PLPPR1: variants seen among roughly 807,000 people sequenced by gnomAD.
PLPPR1 encodes the protein phospholipid phosphatase-related protein type 1.
PLPPR1 carries 10 observed loss-of-function variants against 33.1 expected under a neutral mutation model. That is an observed-to-expected ratio of 0.30 (90% CI 0.19 to 0.51). The LOEUF is 0.51. PLPPR1 is among the 20% of genes least tolerant of loss of function. The pLI, the probability that PLPPR1 is intolerant of heterozygous loss-of-function variation, is 0.97. For missense variants in PLPPR1, 304 were observed against 408.1 expected (o/e 0.74, Z 2.20); for synonymous variants, 151 against 151.0 (o/e 1.00, Z 0.00).
At chr9:101,265,319 T>A (rs1389340590) in intron 2 of PLPPR1, among the ~76,000 whole-genome samples, 1 of 152,202 alleles carries the variant, frequency 6.6e-6, no homozygotes, top group African/African-American at 2.4e-5. Flanking sequence ...AAGTCCCTGG[T>A]ACATGAGCTC....
intron 1 of PLPPR1, among the ~76,000 whole-genome samples, chr9:101,167,185 T>TGTGTGTGTGTGTG (rs1491118695): frequency 1.3e-3 from 89 of 68,102 alleles, no homozygotes; most frequent in Non-Finnish European, 2.0e-3. Context: ...TGTGTGTGTC[T>TGTGTGTGTGTGTG]TTCTCTCTCT....
At chr9:101,171,122 G>T (rs911514044) in intron 1 of PLPPR1, among the ~76,000 whole-genome samples, 1 of 152,066 alleles carries the variant, frequency 6.6e-6, no homozygotes, top group Non-Finnish European at 1.5e-5. Context: ...AGACATATAA[G>T]TTCAAAGGAT....
chr9:101,312,076 A>C (rs1048094913), intron 5 of PLPPR1, among the ~76,000 whole-genome samples: 1 of 152,176 alleles, frequency 6.6e-6, no homozygotes, highest in Non-Finnish European at 1.5e-5. Flanking sequence ...TCTTTTACTT[A>C]GCTCAGGTCT....
intron 1 of PLPPR1, among the ~76,000 whole-genome samples, chr9:101,083,667 G>A (rs927668311): frequency 6.6e-6 from 1 of 152,118 alleles, no homozygotes; most frequent in East Asian, 1.9e-4. Context: ...AGGAGTGATC[G>A]CTTACCATGC....
rs56998660 is a variant in PLPPR1 at position 101,062,149 on chromosome 9, G to GGTGTGTGTGT, written c.-46+33078_-46+33087dup. ...GCATTCACAGTTAATGACAAAATGTGGTGTGTGTGTGTGTGTGTGTGTGTG... is the reference window on the plus strand; with the variant it reads ...GCATTCACAGTTAATGACAAAATGTGGTGTGTGTGTGTGTGTGTGTGTGTGTGTGTGTGTG... On this transcript the variant is annotated intron_variant, in intron 1 of 7. Transcript: ENST00000374874. Among the ~76,000 whole-genome samples the GGTGTGTGTGT allele has an allele frequency of 2.1e-3, 319 of 148,540 alleles. 1 individual carries two copies. Among genetic ancestry groups the GGTGTGTGTGT allele is most frequent in the African/African-American group, 7.2e-3 (291 of 40,372 alleles).
chr9:101,323,180 CAG>C (rs1375655927), intron 7 of PLPPR1, among the ~76,000 whole-genome samples: 5 of 151,964 alleles, frequency 3.3e-5, no homozygotes, highest in African/African-American at 1.2e-4. Context: ...AAGCATAAGA[CAG>C]AATTATATAG....
At chr9:101,102,239 C>T (rs1261540834) in intron 1 of PLPPR1, among the ~76,000 whole-genome samples, 2 of 123,992 alleles carry the variant, frequency 1.6e-5, no homozygotes, top group Admixed American at 1.6e-4. Flanking sequence ...TGGTGCGCTG[C>T]ACCCACTAAC....
At chr9:101,237,735 CTATA>C (rs200269534) in intron 2 of PLPPR1, among the ~76,000 whole-genome samples, 1 of 109,286 alleles carries the variant, frequency 9.2e-6, no homozygotes, top group African/African-American at 3.5e-5. Flanking sequence ...TGTATATAGC[CTATA>C]TATATATATA....
intron 6 of PLPPR1, among the ~76,000 whole-genome samples, chr9:101,317,022 G>T (rs747039736): frequency 3.3e-5 from 5 of 152,026 alleles, no homozygotes; most frequent in Non-Finnish European, 7.4e-5. Context: ...AAATCCTCAG[G>T]GTCGTGCCAG....
chr9:101,216,815 C>G (rs1826806147), intron 2 of PLPPR1, among the ~76,000 whole-genome samples: 1 of 152,148 alleles, frequency 6.6e-6, no homozygotes, highest in African/African-American at 2.4e-5. Context: ...CATCAAATGC[C>G]TGTAGCACCT....
chr9:101,086,557 C>T (rs10989392), intron 1 of PLPPR1, among the ~76,000 whole-genome samples: 8,085 of 152,228 alleles, frequency 0.053, 381 homozygotes, highest in African/African-American at 0.12. Context: ...CAGTAATCTT[C>T]CCCTGAAGGG....
At chr9:101,246,950 G>A (rs1450139209) in intron 2 of PLPPR1, among the ~76,000 whole-genome samples, 1 of 151,884 alleles carries the variant, frequency 6.6e-6, no homozygotes, top group Non-Finnish European at 1.5e-5. Flanking sequence ...CCTGGCAGAG[G>A]TGCAAGAGCA....
Position 101,188,991 on chromosome 9 carries a change from C to T in PLPPR1, c.63+3434C>T, listed in dbSNP as rs1354021961. Among the ~76,000 whole-genome samples the T allele has an allele frequency of 9.9e-5, 15 of 151,964 alleles. No individual in the cohort carries two copies. The East Asian group carries it at 2.7e-3, about 27-fold the overall frequency. ...CTGTAATTTGCTCATGAAGTTTATC[C>T]TTTAGCAATCCTTTCAGCAAGAGTC... On this transcript the variant is annotated intron_variant, in intron 2 of 7. Transcript: ENST00000374874.
intron 2 of PLPPR1, among the ~76,000 whole-genome samples, chr9:101,210,892 C>T (rs1251230208): frequency 3.3e-5 from 5 of 152,118 alleles, no homozygotes; most frequent in Non-Finnish European, 7.4e-5. Context: ...CTCAGCATCC[C>T]GAGTAGCTGG....
intron 3 of PLPPR1, among the ~76,000 whole-genome samples, chr9:101,276,472 T>C (rs1440191607): frequency 2.6e-5 from 4 of 152,194 alleles, no homozygotes; most frequent in Admixed American, 1.3e-4. Flanking sequence ...ATACCCCTCC[T>C]AATAATTGAT....
intron 1 of PLPPR1, among the ~76,000 whole-genome samples, chr9:101,107,903 C>G (rs1205769973): frequency 6.6e-6 from 1 of 151,316 alleles, no homozygotes; most frequent in East Asian, 1.9e-4. Flanking sequence ...GTGGGAGTGA[C>G]CCGATTTTCC....
chr9:101,082,014 T>C (rs908324690), intron 1 of PLPPR1, among the ~76,000 whole-genome samples: 7 of 152,240 alleles, frequency 4.6e-5, no homozygotes, highest in African/African-American at 1.7e-4. Context: ...TCTTTAGATA[T>C]TGAAGAGTTG....
intron 4 of PLPPR1, among the ~76,000 whole-genome samples, chr9:101,301,770 T>G (rs1262690456): frequency 6.6e-6 from 1 of 152,184 alleles, no homozygotes; most frequent in Non-Finnish European, 1.5e-5. Flanking sequence ...ATTGCTAAAG[T>G]GATGAGAAAA....
intron 1 of PLPPR1, among the ~76,000 whole-genome samples, chr9:101,136,364 G>A (rs1366632332): frequency 6.6e-6 from 1 of 152,250 alleles, no homozygotes; most frequent in East Asian, 1.9e-4. Flanking sequence ...ACACTAAATC[G>A]GAGATCTCTT....
Sources: allele counts gnomAD v4.1 joint callset (sites outside exome capture counted in the v4.1 genomes callset), GRCh38; gene constraint gnomAD v4.1.1; transcripts MANE v1.5; gene names NCBI Gene and HGNC (gene_info 2026-07-23, HGNC 2026-07-21).